The following ROR1 variants were observed in gnomAD, a reference collection of about 807,000 sequenced individuals.
ROR1 encodes ROR family WNT receptor 1.
In ROR1, 19 loss-of-function variants were observed where a neutral mutation model predicts 78.8. The observed-to-expected ratio is 0.24, with a 90% CI of 0.17 to 0.35. The LOEUF (loss-of-function observed/expected upper bound fraction) is 0.35, where lower values mean the gene tolerates loss of function less well. Among genes scored for constraint, ROR1 ranks in the 10% least tolerant of loss-of-function variants. ROR1 has a pLI of 1.00. For synonymous variants in ROR1, 386 were observed against 433.6 expected (o/e 0.89, Z 1.36); for missense variants, 917 against 1,177.8 (o/e 0.78, Z 3.24).
In ROR1 at chr1:63,910,255, C is replaced by A. The variant is rs1216125498; in HGVS notation, c.92-99050C>A. On this transcript the variant is annotated intron_variant, in intron 1 of 8. Coordinates refer to ENST00000371079, the MANE Select transcript of ROR1 (RefSeq NM_005012.4). ...AATTATGGTGAGTTGCACAAGATGC[C>A]CATGTTACAAAGAATAAATGCTAGA... Among the ~76,000 whole-genome samples the A allele has an allele frequency of 2.0e-5, 3 of 152,060 alleles. No individual in the cohort carries two copies. The East Asian group carries it at 5.8e-4, about 29-fold the overall frequency.
At chr1:64,038,438 G>C (rs1646720793) in intron 2 of ROR1, among the ~76,000 whole-genome samples, 1 of 152,102 alleles carries the variant, frequency 6.6e-6, no homozygotes, top group African/African-American at 2.4e-5. Context: ...CTCTCACTCT[G>C]ACTTGTACTT....
At position 64,121,755 on chromosome 1, in the gene ROR1, G is replaced by A. The variant is rs956482445; in HGVS notation, c.483-15614G>A. Among the ~76,000 whole-genome samples, 17 of 152,180 alleles carry A rather than the reference G, an allele frequency of 1.1e-4. 1 individual carries two copies. The highest frequency in any genetic ancestry group is 9.2e-4 in the Admixed American group (14 of 15,282). On this transcript the variant is annotated intron_variant, in intron 4 of 8. Transcript: ENST00000371079. Reference sequence around the variant, plus strand: ...TGCCCAGCCCTTGGTACACCACTGAGCCCTGGCACCTAAAATAGTGGCTAC... The same window carrying A: ...TGCCCAGCCCTTGGTACACCACTGAACCCTGGCACCTAAAATAGTGGCTAC...
chr1:64,114,256 A>G (rs1648230827), intron 4 of ROR1, among the ~76,000 whole-genome samples: 1 of 152,210 alleles, frequency 6.6e-6, no homozygotes, highest in African/African-American at 2.4e-5. Flanking sequence ...ACATGCAGTT[A>G]GGTCATTGAA....
At chr1:64,172,678 C>G (rs1012624525) in intron 8 of ROR1, among the ~76,000 whole-genome samples, 2 of 152,158 alleles carry the variant, frequency 1.3e-5, no homozygotes, top group Non-Finnish European at 2.9e-5. Flanking sequence ...TTGTACATCC[C>G]TGTATGACAA....
At chr1:64,003,329 G>A (rs1223867141) in intron 1 of ROR1, among the ~76,000 whole-genome samples, 2 of 152,076 alleles carry the variant, frequency 1.3e-5, no homozygotes, top group African/African-American at 4.8e-5. Context: ...TGATTACAAT[G>A]TAATTACATG....
chr1:64,160,196 GA>G (rs563991730), intron 8 of ROR1, among the ~76,000 whole-genome samples: 5 of 150,622 alleles, frequency 3.3e-5, no homozygotes, highest in East Asian at 1.9e-4. Flanking sequence ...AAAATTTTAG[GA>G]AAAAAAAGTC....
chr1:63,879,585 C>T (rs763296800), intron 1 of ROR1, among the ~76,000 whole-genome samples: 12 of 152,092 alleles, frequency 7.9e-5, no homozygotes, highest in Admixed American at 1.3e-4. Context: ...CAAAACACTG[C>T]GTATTATATC....
At chr1:63,941,403 G>T (rs921761577) in intron 1 of ROR1, among the ~76,000 whole-genome samples, 4 of 152,140 alleles carry the variant, frequency 2.6e-5, no homozygotes, top group Non-Finnish European at 5.9e-5. Flanking sequence ...ATATATAGGA[G>T]TTGTCTGGAT....
intron 7 of ROR1, among the ~76,000 whole-genome samples, chr1:64,157,895 T>G (rs1649819165): frequency 6.6e-6 from 1 of 152,230 alleles, no homozygotes; most frequent in Non-Finnish European, 1.5e-5. Context: ...AATGAATGCA[T>G]GGTTAATTCT....
At chr1:64,000,511 C>T (rs919993488) in intron 1 of ROR1, among the ~76,000 whole-genome samples, 2 of 152,162 alleles carry the variant, frequency 1.3e-5, no homozygotes, top group Non-Finnish European at 2.9e-5. Context: ...AGATATGAAC[C>T]ATTTTGAAAT....
chr1:63,963,294 G>A (rs559957908), intron 1 of ROR1, among the ~76,000 whole-genome samples: 2 of 152,024 alleles, frequency 1.3e-5, no homozygotes, highest in East Asian at 1.9e-4. Flanking sequence ...TGGGCTGGGC[G>A]CAGTGGCTCA....
intron 1 of ROR1, among the ~76,000 whole-genome samples, chr1:63,824,748 A>G (rs908461161): frequency 5.3e-5 from 8 of 152,176 alleles, no homozygotes; most frequent in African/African-American, 1.9e-4. Flanking sequence ...CTTTTATTAT[A>G]TATTTACTCA....
chr1:63,894,148 A>G (rs1412304129), intron 1 of ROR1, among the ~76,000 whole-genome samples: 1 of 152,158 alleles, frequency 6.6e-6, no homozygotes, highest in Non-Finnish European at 1.5e-5. Flanking sequence ...TAAGTGACTC[A>G]TGGGCAGGTA....
intron 7 of ROR1, among the ~76,000 whole-genome samples, chr1:64,150,495 A>T (rs1649590448): frequency 6.6e-6 from 1 of 152,216 alleles, no homozygotes; most frequent in Non-Finnish European, 1.5e-5. Flanking sequence ...GATGTTTTCC[A>T]GATTGTGAAC....
intron 8 of ROR1, among the ~76,000 whole-genome samples, chr1:64,165,864 G>A (rs867079768): frequency 4.6e-5 from 7 of 151,746 alleles, no homozygotes; most frequent in Middle Eastern, 3.4e-3. Context: ...ACCACCACAC[G>A]TGGCTAATTT....
intron 2 of ROR1, among the ~76,000 whole-genome samples, chr1:64,021,903 A>G (rs115179306): frequency 0.026 from 3,911 of 152,320 alleles, 75 homozygotes; most frequent in Non-Finnish European, 0.043. Flanking sequence ...ATATACCCCC[A>G]AAGAATTGAA....
intron 1 of ROR1, among the ~76,000 whole-genome samples, chr1:63,982,957 G>A (rs1157594435): frequency 6.6e-6 from 1 of 152,102 alleles, no homozygotes; most frequent in Non-Finnish European, 1.5e-5. Context: ...CTGTTGTGAT[G>A]ATTAAATGAG....
intron 7 of ROR1, among the ~76,000 whole-genome samples, chr1:64,148,227 G>A (rs751842370): frequency 2.6e-5 from 4 of 152,138 alleles, no homozygotes; most frequent in Non-Finnish European, 5.9e-5. Context: ...ACTTGGAGAG[G>A]TTAAGTAACA....
chr1:64,067,970 C>T (rs1424587533), intron 4 of ROR1, among the ~76,000 whole-genome samples: 1 of 151,992 alleles, frequency 6.6e-6, no homozygotes, highest in African/African-American at 2.4e-5. Flanking sequence ...CCTTGGCCTC[C>T]CAAAGTGATT....
Sources: allele counts gnomAD v4.1 joint callset (sites outside exome capture counted in the v4.1 genomes callset), GRCh38; gene constraint gnomAD v4.1.1; transcripts MANE v1.5; gene names NCBI Gene and HGNC (gene_info 2026-07-23, HGNC 2026-07-21).